The following GRID2 variants were observed in gnomAD, a reference collection of about 807,000 sequenced individuals.
The protein encoded by GRID2 is glutamate receptor ionotropic, delta-2.
In GRID2, 33 loss-of-function variants were observed where a neutral mutation model predicts 114.8. That is an observed-to-expected ratio of 0.29 (90% confidence interval 0.22 to 0.38). The LOEUF (loss-of-function observed/expected upper bound fraction) is 0.38. Among genes scored for constraint, GRID2 ranks in the 10% least tolerant of loss-of-function variants. GRID2 has a pLI of 1.00. For missense variants in GRID2, 1,184 were observed against 1,257.7 expected (o/e 0.94, Z 0.89); for synonymous variants, 505 against 449.9 (o/e 1.12, Z -1.55).
intron 9 of GRID2, among the ~76,000 whole-genome samples, chr4:93,406,326 C>A (rs1766411358): frequency 6.6e-6 from 1 of 152,184 alleles, no homozygotes; most frequent in African/African-American, 2.4e-5. Context: ...AGTTTCCATA[C>A]TGGAGACATG....
chr4:93,198,495 T>A (rs765298375), intron 4 of GRID2, among the ~76,000 whole-genome samples: 19 of 152,056 alleles, frequency 1.2e-4, no homozygotes, highest in Non-Finnish European at 2.8e-4. Flanking sequence ...AGCAGGAAAG[T>A]GATTACAGCT....
intron 1 of GRID2, among the ~76,000 whole-genome samples, chr4:92,566,185 G>A (rs6532376): frequency 0.4 from 61,359 of 151,664 alleles, 12,558 homozygotes; most frequent in African/African-American, 0.48. Context: ...TGCATGTTAA[G>A]ATAAAAGTAA....
chr4:93,555,500 G>A (rs185318651), intron 13 of GRID2, among the ~76,000 whole-genome samples: 21 of 152,284 alleles, frequency 1.4e-4, no homozygotes, highest in East Asian at 9.7e-4. Flanking sequence ...CTGGAAGTTC[G>A]AACTGGGCGG....
chr4:92,387,323 A>G (rs1409479255), intron 1 of GRID2, among the ~76,000 whole-genome samples: 1 of 151,950 alleles, frequency 6.6e-6, no homozygotes, highest in Non-Finnish European at 1.5e-5. Context: ...TATTTCACAT[A>G]CTTTTTATTG....
intron 1 of GRID2, among the ~76,000 whole-genome samples, chr4:92,331,386 A>G (rs1030436616): frequency 3.3e-5 from 5 of 152,216 alleles, no homozygotes; most frequent in Non-Finnish European, 7.3e-5. Flanking sequence ...TTAGCTGAGC[A>G]TTGATCTGTC....
chr4:92,933,708 A>C (rs1388911397), intron 2 of GRID2, among the ~76,000 whole-genome samples: 1 of 151,620 alleles, frequency 6.6e-6, no homozygotes, highest in Admixed American at 6.6e-5. Context: ...TCTGAGTAAA[A>C]TTGAGAATAA....
chr4:92,612,491 T>C (rs1467100221), intron 2 of GRID2, among the ~76,000 whole-genome samples: 1 of 151,524 alleles, frequency 6.6e-6, no homozygotes, highest in Non-Finnish European at 1.5e-5. Flanking sequence ...CAAAATAGCA[T>C]GCTGGGAAAT....
At chr4:93,066,677 A>G (rs1728323450) in intron 2 of GRID2, among the ~76,000 whole-genome samples, 2 of 151,974 alleles carry the variant, frequency 1.3e-5, no homozygotes, top group South Asian at 4.1e-4. Context: ...ACTTTTTCTT[A>G]TCATAGATCT....
intron 2 of GRID2, among the ~76,000 whole-genome samples, chr4:93,018,942 C>T (rs977743002): frequency 6.6e-6 from 1 of 152,054 alleles, no homozygotes; most frequent in Non-Finnish European, 1.5e-5. Context: ...AATCTAGATC[C>T]ACTTCCCTTA....
chr4:93,327,300 A>G (rs1161121500), intron 8 of GRID2, among the ~76,000 whole-genome samples: 5 of 152,212 alleles, frequency 3.3e-5, no homozygotes, highest in Admixed American at 6.5e-5. Context: ...GGTCCAAAAT[A>G]TAAATTTTAC....
chr4:92,377,395 C>T (rs559748136), intron 1 of GRID2, among the ~76,000 whole-genome samples: 1 of 152,168 alleles, frequency 6.6e-6, no homozygotes, highest in African/African-American at 2.4e-5. Flanking sequence ...CTTTATTGTC[C>T]CCATTGCTAT....
intron 4 of GRID2, among the ~76,000 whole-genome samples, chr4:93,193,868 T>C (rs893191833): frequency 2.0e-5 from 3 of 152,172 alleles, no homozygotes; most frequent in South Asian, 2.1e-4. Context: ...TAGGCCACAA[T>C]TGTACCTCAC....
At chr4:93,215,751 A>C (rs536221677) in intron 5 of GRID2, among the ~76,000 whole-genome samples, 1 of 152,098 alleles carries the variant, frequency 6.6e-6, no homozygotes, top group Non-Finnish European at 1.5e-5. Context: ...TAAGAAAAAA[A>C]GAACATTTAC....
chr4:92,868,435 C>T (rs1222778305), intron 2 of GRID2, among the ~76,000 whole-genome samples: 1 of 152,176 alleles, frequency 6.6e-6, no homozygotes, highest in Non-Finnish European at 1.5e-5. Flanking sequence ...TGCTCCCATA[C>T]ATACGAATTT....
At chr4:92,442,191 T>C (rs1409215131) in intron 1 of GRID2, among the ~76,000 whole-genome samples, 1 of 146,484 alleles carries the variant, frequency 6.8e-6, no homozygotes, top group Non-Finnish European at 1.5e-5. Flanking sequence ...TCCGTGATGG[T>C]CTAGGGGGCT....
chr4:92,389,857 GGTTCAT>G (rs1451777758), intron 1 of GRID2, among the ~76,000 whole-genome samples: 2 of 151,920 alleles, frequency 1.3e-5, no homozygotes, highest in Non-Finnish European at 2.9e-5. Flanking sequence ...TTATTCTAAA[GGTTCAT>G]TATTAATGTG....
At chr4:92,713,831 G>C (rs1735399925) in intron 2 of GRID2, among the ~76,000 whole-genome samples, 1 of 151,700 alleles carries the variant, frequency 6.6e-6, no homozygotes, top group African/African-American at 2.4e-5. Context: ...CCTCCCACCA[G>C]GTCCCTCCCA....
chr4:92,412,259 G>C (rs1376066938), intron 1 of GRID2, among the ~76,000 whole-genome samples: 3 of 151,962 alleles, frequency 2.0e-5, no homozygotes, highest in African/African-American at 7.2e-5. Flanking sequence ...CATAAAAACT[G>C]TTTCTAAATT....
chr4:93,765,611 T>TATATATATATATATATATGAGGC (rs1733599054), intron 14 of GRID2, among the ~76,000 whole-genome samples: 43 of 16,252 alleles, frequency 2.6e-3, no homozygotes, highest in Admixed American at 0.018. Context: ...TGAGGTATTA[T>TATATATATATATATATATGAGGC]ATATATATAT....
Sources: allele counts gnomAD v4.1 joint callset (sites outside exome capture counted in the v4.1 genomes callset), GRCh38; gene constraint gnomAD v4.1.1; transcripts MANE v1.5; gene names NCBI Gene and HGNC (gene_info 2026-07-23, HGNC 2026-07-21).